The following SCFD2 variants were observed in gnomAD, a reference collection of about 807,000 sequenced individuals.
The protein encoded by SCFD2 is sec1 family domain-containing protein 2.
A neutral mutation model predicts 58.9 loss-of-function variants in SCFD2; 54 were observed. The observed-to-expected ratio is 0.92, with a 90% CI of 0.74 to 1.15. The LOEUF (loss-of-function observed/expected upper bound fraction) is 1.15, where lower values mean the gene tolerates loss of function less well. SCFD2 is among the 50% of genes most tolerant of loss of function. SCFD2 has a pLI of 0.00. For synonymous variants in SCFD2, 321 were observed against 335.9 expected, an observed-to-expected ratio of 0.96 and a Z score of 0.49; for missense variants, 805 against 836.6, an observed-to-expected ratio of 0.96 and a Z score of 0.47.
rs371073873 is a variant in SCFD2 at position 52,952,173 on chromosome 4, G to A, written c.1562-31303C>T. 7.3e-5 allele frequency among the ~76,000 whole-genome samples: 11 copies of A among 150,614 alleles called. No individual in the cohort carries two copies. The South Asian group carries it at 8.3e-4, about 11-fold the overall frequency. The stretch of plus-strand genomic sequence containing the variant: ...CCACACTTCTACTTTCTCTCTGTTC[G>A]TCTGTCTGAGTAGTAGCCCAAAGCC... On this transcript the variant is annotated intron_variant, in intron 5 of 8. Transcript: ENST00000401642.
chr4:53,330,781 A>T (rs1454229179), intron 2 of SCFD2, among the ~76,000 whole-genome samples: 2 of 152,164 alleles, frequency 1.3e-5, no homozygotes, highest in Admixed American at 6.5e-5. Flanking sequence ...AAATGCTCCA[A>T]TTAAAAGACA....
rs1197749398 is a variant in SCFD2 at position 53,039,092 on chromosome 4, G to A, written c.1561+106241C>T. 3.3e-5 allele frequency among the ~76,000 whole-genome samples: 5 copies of A among 152,048 alleles called. No individual in the cohort carries two copies. The South Asian group carries it at 1.0e-3, about 32-fold the overall frequency. ...TATTCCCTTTCCAGGTAGCAGTTTG[G>A]CTACTCTAGTCTAGTGCCTTCAGAA... On this transcript the variant is annotated intron_variant, in intron 5 of 8. Transcript: ENST00000401642.
At chr4:53,360,369 A>G (rs1032990129) in intron 1 of SCFD2, among the ~76,000 whole-genome samples, 4 of 152,258 alleles carry the variant, frequency 2.6e-5, no homozygotes, top group Admixed American at 2.6e-4. Flanking sequence ...ACCCTCCACC[A>G]TCTAGCAGTA....
chr4:53,218,212 C>G (rs916853671), intron 4 of SCFD2, among the ~76,000 whole-genome samples: 7 of 152,164 alleles, frequency 4.6e-5, no homozygotes, highest in Non-Finnish European at 7.3e-5. Flanking sequence ...TGGGGAAGTT[C>G]TCCTGGATAA....
chr4:53,050,397 G>A (rs906545265), intron 5 of SCFD2, among the ~76,000 whole-genome samples: 1 of 152,192 alleles, frequency 6.6e-6, no homozygotes, highest in African/African-American at 2.4e-5. Flanking sequence ...AACGAATCAA[G>A]ATAGGTTGTA....
chr4:53,345,261 AC>A (rs1734021620), intron 2 of SCFD2, among the ~76,000 whole-genome samples: 2 of 152,242 alleles, frequency 1.3e-5, no homozygotes, highest in Admixed American at 6.5e-5. Context: ...AAGAAAAAAA[AC>A]AACCCCATCA....
At chr4:53,316,698 A>G (rs1200975433) in intron 2 of SCFD2, among the ~76,000 whole-genome samples, 1 of 152,218 alleles carries the variant, frequency 6.6e-6, no homozygotes, top group East Asian at 1.9e-4. Flanking sequence ...AGTCACTTGA[A>G]GCTTGTACTA....
chr4:53,265,021 G>A (rs576810097), intron 4 of SCFD2, among the ~76,000 whole-genome samples: 67 of 152,128 alleles, frequency 4.4e-4, no homozygotes, highest in South Asian at 2.9e-3. Flanking sequence ...AGAAATAACT[G>A]GAGATGGATA....
At chr4:53,274,513 T>C (rs967278578) in intron 3 of SCFD2, among the ~76,000 whole-genome samples, 7 of 152,122 alleles carry the variant, frequency 4.6e-5, no homozygotes, top group South Asian at 2.1e-4. Context: ...AGCAGTTACA[T>C]GGAACAAAAA....
intron 4 of SCFD2, among the ~76,000 whole-genome samples, chr4:53,254,020 C>CTT (rs2149043952): frequency 6.6e-6 from 1 of 151,898 alleles, no homozygotes; most frequent in South Asian, 2.1e-4. Flanking sequence ...CATATTCTCA[C>CTT]TTATAAGTTA....
Position 53,248,419 on chromosome 4 carries a change from C to A in SCFD2, c.1311+25407G>T, listed in dbSNP as rs767236387. Among the ~76,000 whole-genome samples the A allele has an allele frequency of 7.9e-4, 121 of 152,332 alleles. No homozygotes were observed. The Middle Eastern group carries it at 0.027, about 34-fold the overall frequency. On this transcript the variant is annotated intron_variant, in intron 4 of 8. Transcript: ENST00000401642. ...GGAAATTCGAACTGGGTGGAGCCCA[C>A]CACAGCTCAAGGAGGCCTGCCTGCC... is the stretch of plus-strand genomic sequence containing the variant.
intron 4 of SCFD2, among the ~76,000 whole-genome samples, chr4:53,176,755 G>A (rs1257206230): frequency 6.6e-6 from 1 of 152,060 alleles, no homozygotes; most frequent in Non-Finnish European, 1.5e-5. Flanking sequence ...TTCTAGACCA[G>A]CCTGCCCACA....
intron 4 of SCFD2, among the ~76,000 whole-genome samples, chr4:53,217,240 G>A (rs1394242666): frequency 3.9e-5 from 6 of 152,128 alleles, no homozygotes; most frequent in Non-Finnish European, 7.4e-5. Flanking sequence ...AATGTTGACA[G>A]TGGGGTGTTA....
At chr4:53,339,266 T>G (rs560323654) in intron 2 of SCFD2, among the ~76,000 whole-genome samples, 1 of 151,794 alleles carries the variant, frequency 6.6e-6, no homozygotes, top group East Asian at 1.9e-4. Flanking sequence ...GTTTCTATAC[T>G]TCACTCAAAC....
At chr4:53,185,416 G>A (rs1161670311) in intron 4 of SCFD2, among the ~76,000 whole-genome samples, 6 of 151,812 alleles carry the variant, frequency 4.0e-5, no homozygotes, top group Non-Finnish European at 5.9e-5. Flanking sequence ...TAATTATAAC[G>A]CATTTATTTC....
chr4:53,170,165 A>G (rs1727138424), intron 4 of SCFD2, among the ~76,000 whole-genome samples: 1 of 152,132 alleles, frequency 6.6e-6, no homozygotes, highest in Non-Finnish European at 1.5e-5. Flanking sequence ...TTTCAGGTCT[A>G]ACATTTAGTG....
intron 5 of SCFD2, among the ~76,000 whole-genome samples, chr4:53,134,720 G>A (rs1386604557): frequency 6.6e-6 from 1 of 152,178 alleles, no homozygotes; most frequent in Non-Finnish European, 1.5e-5. Context: ...CATGAGGAGA[G>A]CCTCACACTT....
At chr4:53,216,491 T>C (rs1412602408) in intron 4 of SCFD2, among the ~76,000 whole-genome samples, 2 of 152,222 alleles carry the variant, frequency 1.3e-5, no homozygotes, top group Non-Finnish European at 2.9e-5. Context: ...TTGGTGGTGA[T>C]ATCCCCTTTA....
intron 5 of SCFD2, among the ~76,000 whole-genome samples, chr4:53,049,014 T>C: frequency 6.6e-6 from 1 of 152,166 alleles, no homozygotes; most frequent in East Asian, 1.9e-4. Flanking sequence ...CTTTTTCAGC[T>C]TGTGGAGTAA....
Sources: gnomAD v4.1 joint callset for allele counts (sites outside exome capture counted in the v4.1 genomes callset) on GRCh38, gnomAD v4.1.1 for gene constraint, MANE v1.5 for transcripts, NCBI Gene and HGNC (gene_info 2026-07-23, HGNC 2026-07-21) for gene names.